TAOK1: variants seen among roughly 807,000 people sequenced by gnomAD.
The protein encoded by TAOK1 is serine/threonine-protein kinase TAO1.
Under a neutral mutation model 138.3 loss-of-function variants are expected in TAOK1, and 21 were observed. The ratio of observed to expected loss-of-function variants is 0.15; its 90% CI spans 0.11 to 0.22. The LOEUF is 0.22. Among genes scored for constraint, TAOK1 ranks in the 10% least tolerant of loss-of-function variants. TAOK1 has a pLI of 1.00. For synonymous variants in TAOK1, 361 were observed against 398.4 expected (o/e 0.91, Z 1.12); for missense variants, 651 against 1,227.7 (o/e 0.53, Z 7.02).
At chr17:29,394,150 G>GTTTTGTTTTTTTTT (rs1904514488) in intron 1 of TAOK1, among the ~76,000 whole-genome samples, 2 of 48,246 alleles carry the variant, frequency 4.1e-5, no homozygotes, top group Non-Finnish European at 3.6e-5. Context: ...TAATTTGCCA[G>GTTTTGTTTTTTTTT]TTTTTTTTTT....
chr17:29,541,629 A>G (rs1361982650), intron 19 of TAOK1, among the ~76,000 whole-genome samples: 2 of 150,928 alleles, frequency 1.3e-5, no homozygotes, highest in African/African-American at 4.9e-5. Flanking sequence ...TACAAAAATT[A>G]GCTGGATGTG....
intron 10 of TAOK1, among the ~76,000 whole-genome samples, chr17:29,495,117 C>T (rs567127050): frequency 6.6e-6 from 1 of 152,114 alleles, no homozygotes; most frequent in East Asian, 1.9e-4. Flanking sequence ...ATATTGTTCA[C>T]GCAGCATATA....
chr17:29,530,357 C>G, intron 17 of TAOK1, 50 bp from the exon 18 acceptor site: 1 of 1,525,060 alleles, frequency 6.6e-7, no homozygotes, highest in Non-Finnish European at 9.0e-7. Flanking sequence ...TACCATATAC[C>G]AAATGCCTTT....
intron 16 of TAOK1, among the ~76,000 whole-genome samples, 189 bp downstream of exon 16, chr17:29,517,845 C>T (rs2031844934): frequency 6.6e-6 from 1 of 152,188 alleles, no homozygotes; most frequent in East Asian, 1.9e-4. Flanking sequence ...TCCTCAAAAT[C>T]TCTTTCTTAA....
intron 1 of TAOK1, among the ~76,000 whole-genome samples, chr17:29,420,092 T>G (rs1193129212): frequency 6.6e-6 from 1 of 151,840 alleles, no homozygotes; most frequent in Non-Finnish European, 1.5e-5. Context: ...TCACCCAGGC[T>G]GGGGTACAGT....
intron 2 of TAOK1, among the ~76,000 whole-genome samples, chr17:29,455,893 A>G (rs1322733881): frequency 6.7e-6 from 1 of 150,102 alleles, no homozygotes; most frequent in Non-Finnish European, 1.5e-5. Flanking sequence ...GGAATTTTTC[A>G]TTCCACATTT....
intron 10 of TAOK1, among the ~76,000 whole-genome samples, chr17:29,493,870 G>GCCC (rs1383883653): frequency 6.6e-6 from 1 of 152,046 alleles, no homozygotes; most frequent in Non-Finnish European, 1.5e-5. Context: ...AACATTTGAT[G>GCCC]AAATATTCTA....
intron 10 of TAOK1, among the ~76,000 whole-genome samples, chr17:29,494,732 G>A (rs1302032823): frequency 6.6e-5 from 10 of 151,516 alleles, no homozygotes; most frequent in East Asian, 1.9e-4. Context: ...AGGCTGAGGC[G>A]GGAGAATGGT....
chr17:29,481,619 T>G (rs2031063921), intron 7 of TAOK1, among the ~76,000 whole-genome samples: 1 of 152,110 alleles, frequency 6.6e-6, no homozygotes, highest in Non-Finnish European at 1.5e-5. Context: ...GGAGCCTCTT[T>G]CTTTTGGGGT....
intron 1 of TAOK1, among the ~76,000 whole-genome samples, chr17:29,399,255 G>A (rs1323711822): frequency 6.6e-6 from 1 of 152,130 alleles, no homozygotes. Flanking sequence ...CAAAGTGCTG[G>A]GGAGAGTCTA....
intron 15 of TAOK1, chr17:29,514,883 T>C (rs2031785494): frequency 1.3e-5 from 2 of 150,792 alleles, no homozygotes; most frequent in African/African-American, 4.9e-5. Context: ...CCTGTGGTCC[T>C]AGCTACTCAG....
intron 3 of TAOK1, among the ~76,000 whole-genome samples, chr17:29,468,747 C>G (rs2030742538): frequency 6.6e-6 from 1 of 151,994 alleles, no homozygotes; most frequent in Non-Finnish European, 1.5e-5. Flanking sequence ...TGGGATTTCA[C>G]CACGTTGGCC....
chr17:29,535,664 G>A (rs2032208999), intron 19 of TAOK1, among the ~76,000 whole-genome samples: 1 of 151,946 alleles, frequency 6.6e-6, no homozygotes, highest in Non-Finnish European at 1.5e-5. Flanking sequence ...GACCAGCCTG[G>A]GCAACATGGC....
chr17:29,414,959 C>T (rs1905233703), intron 1 of TAOK1, among the ~76,000 whole-genome samples: 1 of 151,884 alleles, frequency 6.6e-6, no homozygotes, highest in South Asian at 2.1e-4. Context: ...CCATTTTATA[C>T]CTTTTTTTTG....
chr17:29,457,065 C>A (rs1598488701), intron 2 of TAOK1, among the ~76,000 whole-genome samples: 1 of 131,790 alleles, frequency 7.6e-6, no homozygotes, highest in Non-Finnish European at 1.6e-5. Flanking sequence ...TTCTCCCATT[C>A]TTTTCTTCTC....
intron 1 of TAOK1, among the ~76,000 whole-genome samples, chr17:29,426,917 G>A (rs945417759): frequency 3.9e-5 from 6 of 152,072 alleles, no homozygotes; most frequent in African/African-American, 1.4e-4. Flanking sequence ...ATATGCTAGA[G>A]CTAAGCTGTC....
At chr17:29,509,734 C>CA (rs1189323998) in intron 14 of TAOK1, among the ~76,000 whole-genome samples, 1 of 150,460 alleles carries the variant, frequency 6.6e-6, no homozygotes, top group East Asian at 2.0e-4. Flanking sequence ...TCTCCACACA[C>CA]AAAAAAAATA....
intron 1 of TAOK1, among the ~76,000 whole-genome samples, chr17:29,442,661 T>C (rs1266874171): frequency 6.6e-6 from 1 of 152,216 alleles, no homozygotes; most frequent in African/African-American, 2.4e-5. Flanking sequence ...AGAAAGTTTC[T>C]TCATCTTTCT....
intron 1 of TAOK1, among the ~76,000 whole-genome samples, chr17:29,430,281 A>G (rs1218824745): frequency 6.6e-6 from 1 of 152,126 alleles, no homozygotes; most frequent in African/African-American, 2.4e-5. Context: ...TCTTGGGTTC[A>G]AATACCCCCT....
Sources: allele counts gnomAD v4.1 joint callset (sites outside exome capture counted in the v4.1 genomes callset), GRCh38; gene constraint gnomAD v4.1.1; transcripts MANE v1.5; gene names NCBI Gene and HGNC (gene_info 2026-07-23, HGNC 2026-07-21).